The following CIITA variants were observed in gnomAD, a reference collection of about 807,000 sequenced individuals.
CIITA encodes class II major histocompatibility complex transactivator, also known as MHC class II transactivator.
Under a neutral mutation model 115.1 loss-of-function variants are expected in CIITA, and 72 were observed. The ratio of observed to expected loss-of-function variants is 0.63; its 90% CI spans 0.52 to 0.76. CIITA has a LOEUF of 0.76. Among genes scored for constraint, CIITA ranks in the 30% least tolerant of loss-of-function variants. CIITA has a pLI of 0.00. For synonymous variants in CIITA, 763 were observed against 635.6 expected (o/e 1.20, Z -3.02); for missense variants, 1,617 against 1,463.8 (o/e 1.10, Z -1.71).
intron 13 of CIITA, among the ~76,000 whole-genome samples, chr16:10,911,518 C>T (rs1404085294): frequency 2.8e-5 from 4 of 142,574 alleles, no homozygotes; most frequent in South Asian, 2.3e-4. Context: ...CCCTCCCTTC[C>T]TTCTCTTCCT....
rs1023712450 is a variant in CIITA, at chr16:10,909,085, C to T, written c.2714C>T (p.Thr905Ile). 5 of 1,613,980 alleles carry T rather than the reference C, an allele frequency of 3.1e-6. No homozygotes were observed. Among genetic ancestry groups the T allele is most frequent in the Non-Finnish European group, 4.2e-6 (5 of 1,179,984 alleles). The change falls in exon 12 of 20, where the codon ACC (threonine) becomes ATC (isoleucine). Residue 905 changes from threonine (T) to isoleucine (I), a missense_variant. Physicochemically the swap from Thr to Ile is moderately conservative, Grantham distance 89. Transcript: ENST00000324288. ...LWESLQQHGE[T>I]KLLQAAEEKF... ...GAGTCCCTGCAGCAGCATGGGGAGA[C>T]CAAGCTACTTCAGGCAGCAGAGGAG...
intron 10 of CIITA, among the ~76,000 whole-genome samples, chr16:10,906,126 G>A (rs1204889520): frequency 6.6e-6 from 1 of 152,232 alleles, no homozygotes; most frequent in African/African-American, 2.4e-5. Flanking sequence ...CTGTGAGGTT[G>A]AAGCTGTGGT....
At chr16:10,877,983 G>A (rs2036004211) in intron 1 of CIITA, among the ~76,000 whole-genome samples, 1 of 152,210 alleles carries the variant, frequency 6.6e-6, no homozygotes, top group Admixed American at 6.5e-5. Flanking sequence ...TACACCGTTG[G>A]CTGGGAAGGG....
At chr16:10,889,682 G>C (rs950289722) in intron 1 of CIITA, among the ~76,000 whole-genome samples, 4 of 152,032 alleles carry the variant, frequency 2.6e-5, no homozygotes, top group Non-Finnish European at 5.9e-5. Context: ...ACCATGCCTG[G>C]CTAATTTTGT....
chr16:10,908,259 G>A (rs1567424374), intron 11 of CIITA, 110 bp downstream of exon 11: 3 of 1,307,914 alleles, frequency 2.3e-6, no homozygotes, highest in Non-Finnish European at 3.2e-6. Context: ...GAGCAGCCGG[G>A]TGGGGCAGAA....
chr16:10,908,842 T>C (rs768033718), intron 11 of CIITA, 187 bp from the exon 12 acceptor site: 36 of 784,878 alleles, frequency 4.6e-5, no homozygotes, highest in Non-Finnish European at 6.5e-5. Context: ...AGAAAACCAC[T>C]GTGTGAGTTG....
rs1377368885 is a variant in CIITA, at chr16:10,910,122, G to T, written c.2817-66G>T. ...TTGGGGCACTGGGGCAGCCATCATGGGACCCATGGGTAAGGGCTCAGTGAC... is the reference window on the plus strand; with the variant it reads ...TTGGGGCACTGGGGCAGCCATCATGTGACCCATGGGTAAGGGCTCAGTGAC... On this transcript the variant is annotated intron_variant, in intron 12 of 19. Transcript: ENST00000324288. 7.1e-6 allele frequency: 10 copies of T among 1,402,780 alleles called. No homozygotes were observed. In the East Asian group the frequency reaches 2.1e-4, roughly 29 times the overall value. 86.9% of individuals were successfully genotyped at this position (1,402,780 alleles called of 1,614,324 possible).
At chr16:10,909,259 T>C in intron 12 of CIITA, 72 bp downstream of exon 12, 1 of 1,528,982 alleles carries the variant, frequency 6.5e-7, no homozygotes, top group East Asian at 2.3e-5. Flanking sequence ...ATTCTCAAGT[T>C]TGTCATGGGC....
chr16:10,903,796 T>C lies in CIITA; in HGVS notation c.838T>C (p.Ser280Pro), dbSNP rs1240105723. ...SGFTVHGLPT[S>P]PDRPGSTSPF... ...ATTCACTGTCCACGGCCTCCCAACATCTCCAGACCGGCCAGGCTCCACCAG... is the reference window on the plus strand; with the variant it reads ...ATTCACTGTCCACGGCCTCCCAACACCTCCAGACCGGCCAGGCTCCACCAG... Residue 280 changes from serine (S) to proline (P), a missense_variant, in exon 9 of 20, where the codon TCT becomes CCT. Ser to Pro is a moderately conservative substitution (Grantham distance 74). Coordinates refer to ENST00000324288, the MANE Select transcript of CIITA (RefSeq NM_000246.4). 2 of 1,613,942 alleles carry C rather than the reference T, an allele frequency of 1.2e-6. No homozygotes were observed. The highest frequency in any genetic ancestry group is 1.7e-6 in the Non-Finnish European group (2 of 1,179,986).
Position 10,895,675 on chromosome 16 carries a change from A to G in CIITA, c.206A>G (p.Asp69Gly), listed in dbSNP as rs2038059407. Residue 69 changes from aspartate to glycine, a missense_variant, in exon 3 of 20, where the codon GAC (aspartate) becomes GGC (glycine). Transcript: ENST00000324288. ...EEEIELYSEP[D>G]TDTINCDQFS... ...AAGGGACTTTTCCTCCCAGAACCCG[A>G]CACAGACACCATCAACTGCGACCAG... 6.2e-7 allele frequency: 1 copy of G among 1,614,132 alleles called. No homozygotes were observed. The highest frequency in any genetic ancestry group is 8.5e-7 in the Non-Finnish European group (1 of 1,180,020).
upstream of CIITA, among the ~76,000 whole-genome samples, chr16:10,872,680 T>C (rs563122828): frequency 6.6e-5 from 10 of 152,364 alleles, no homozygotes; most frequent in South Asian, 2.1e-3. Flanking sequence ...CTAATTTGGA[T>C]ACATAGCAGT....
intron 1 of CIITA, among the ~76,000 whole-genome samples, chr16:10,884,476 A>G (rs2036737958): frequency 6.6e-6 from 1 of 152,108 alleles, no homozygotes; most frequent in African/African-American, 2.4e-5. Flanking sequence ...GTGCAGTGGC[A>G]CAGTCATTGC....
At position 10,923,232 on chromosome 16, in the gene CIITA, T is replaced by C; in HGVS notation, c.3322T>C (p.Trp1108Arg). 1 of 1,612,778 alleles carries C rather than the reference T, an allele frequency of 6.2e-7. No homozygotes were observed. The highest frequency in any genetic ancestry group is 8.5e-7 in the Non-Finnish European group (1 of 1,179,774). The part of the protein sequence containing the change: ...RCPHVETLAM[W>R]TPTIPFSVQE... The stretch of plus-strand genomic sequence containing the variant: ...GAGTCCCATCCCCCCTTGCAGGATG[T>C]GGACGCCCACCATCCCATTCAGTGT... Residue 1108 changes from tryptophan (W) to arginine (R), a missense_variant, in exon 19 of 20, where the codon TGG becomes CGG. By Grantham distance (101) the Trp-to-Arg change is moderately radical (BLOSUM62 -3). Transcript: ENST00000324288. This position sits in a 1 kb window ranked among gnomAD's most constrained non-coding sequence, Gnocchi z 5.2.
Position 10,898,727 on chromosome 16 carries a change from T to A in CIITA, c.353T>A (p.Ile118Asn). Residue 118 changes from isoleucine (I) to asparagine (N), a missense_variant, in exon 4 of 20, where the codon ATT (isoleucine) becomes AAT (asparagine). Ile to Asn is a moderately radical substitution (Grantham distance 149). Coordinates refer to ENST00000324288, the MANE Select transcript of CIITA (RefSeq NM_000246.4). ...DSQLEGLSKD[I>N]FKHIGPDEVI... ...CAGCTGGAGGGCCTGAGCAAGGACA[T>A]TTTCAGTAAGTTTGTGGTGGGTGGG... is the stretch of plus-strand genomic sequence containing the variant. 1.9e-6 allele frequency: 3 copies of A among 1,611,734 alleles called. No homozygotes were observed. The highest frequency in any genetic ancestry group is 1.1e-5 in the South Asian group (1 of 90,808).
chr16:10,938,316 T>C (rs1341948048), downstream of CIITA: 1 of 150,150 alleles, frequency 6.7e-6, no homozygotes, highest in Non-Finnish European at 1.5e-5. This position sits in a 1 kb window ranked among gnomAD's most constrained non-coding sequence, Gnocchi z 4.9. Context: ...CCTCCTCAAG[T>C]AGGTGCTCAG....
Position 10,931,550 on chromosome 16 carries a change from G to A in CIITA, c.*7695G>A, listed in dbSNP as rs1017926854. 1.3e-5 allele frequency: 2 copies of A among 152,146 alleles called. No individual in the cohort carries two copies. The highest frequency in any genetic ancestry group is 2.9e-5 in the Non-Finnish European group (2 of 68,032). The allele number at this position is 152,146 out of a possible 1,614,324, so 9.4% of individuals were successfully genotyped here. On this transcript the variant is annotated 3_prime_UTR_variant, in exon 20 of 20. Transcript: ENST00000324288. The stretch of plus-strand genomic sequence containing the variant: ...TGATGCCAAGTTTCCATTTCTGGTA[G>A]TAATATAGTTTTTCTTTTCCAAGTC...
rs767117588 is a variant in CIITA at position 10,935,478 on chromosome 16, C to T, written c.*11623C>T. 6.6e-6 allele frequency: 1 copy of T among 152,108 alleles called. No homozygotes were observed. Among genetic ancestry groups the T allele is most frequent in the Non-Finnish European group, 1.5e-5 (1 of 68,028 alleles). 9.4% of individuals were successfully genotyped at this position (152,108 alleles called of 1,614,324 possible). On this transcript the variant is annotated 3_prime_UTR_variant, in exon 20 of 20. Coordinates refer to ENST00000324288, the MANE Select transcript of CIITA (RefSeq NM_000246.4). ...AGTTAGTGTTTTTATCCATGCCAAGCGATGATGATTTTCTCTTTAGTGACA... is the reference window on the plus strand; with the variant it reads ...AGTTAGTGTTTTTATCCATGCCAAGTGATGATGATTTTCTCTTTAGTGACA...
Position 10,906,610 on chromosome 16 carries a change from G to C in CIITA, c.1118G>C (p.Ser373Thr). The change falls in exon 11 of 20, where the codon AGC becomes ACC. Residue 373 changes from serine (S) to threonine (T), a missense_variant. Ser to Thr is a moderately conservative substitution (Grantham distance 58). Coordinates refer to ENST00000324288, the MANE Select transcript of CIITA (RefSeq NM_000246.4). ...CTGGTGCAGGCCAGGCTGGAGAGGA[G>C]CAGCAGCAAGAGCCTGGAGCGGGAA... ...VDLVQARLER[S>T]SSKSLERELA... is the part of the protein sequence containing the mutation. 6.2e-7 allele frequency: 1 copy of C among 1,613,886 alleles called. No homozygotes were observed. The highest frequency in any genetic ancestry group is 8.5e-7 in the Non-Finnish European group (1 of 1,180,010).
At chr16:10,916,874 T>C in intron 15 of CIITA, 1 of 374,830 alleles carries the variant, frequency 2.7e-6, no homozygotes, top group Non-Finnish European at 5.0e-6. Context: ...GAGGACCTAC[T>C]ATGTGCAGGC....
Sources: gnomAD v4.1 joint callset for allele counts (sites outside exome capture counted in the v4.1 genomes callset) on GRCh38, gnomAD v4.1.1 for gene constraint, Gnocchi (gnomAD v3.1) non-coding constraint, MANE v1.5 for transcripts, NCBI Gene and HGNC (gene_info 2026-07-23, HGNC 2026-07-21) for gene names.